DKK2: variants seen among roughly 807,000 people sequenced by gnomAD.
DKK2 encodes dickkopf Wnt signaling pathway inhibitor 2.
A neutral mutation model predicts 28.1 loss-of-function variants in DKK2; 11 were observed. The observed-to-expected ratio is 0.39, with a 90% CI of 0.25 to 0.65. The LOEUF is 0.65. Among genes scored for constraint, DKK2 ranks in the 30% least tolerant of loss-of-function variants. The pLI is 0.47. For synonymous variants in DKK2, 135 were observed against 126.5 expected (o/e 1.07, Z -0.45); for missense variants, 326 against 335.5 (o/e 0.97, Z 0.22).
chr4:107,005,059 A>C (rs1723416338), intron 1 of DKK2, among the ~76,000 whole-genome samples: 1 of 152,132 alleles, frequency 6.6e-6, no homozygotes, highest in Admixed American at 6.5e-5. Flanking sequence ...CTTCTGACAT[A>C]TATAAGAGTG....
In DKK2 at chr4:106,922,068, A is replaced by G. The variant is rs1724351427; in HGVS notation, c.*1886T>C. ...AGGAAATGTTTGATTGAAATGTTCCATTTTCATTTCACCAAGCTTATAGCA... is the reference window on the plus strand; with the variant it reads ...AGGAAATGTTTGATTGAAATGTTCCGTTTTCATTTCACCAAGCTTATAGCA... On this transcript the variant is annotated 3_prime_UTR_variant, in exon 4 of 4. Transcript: ENST00000285311. 2 of 152,578 alleles carry G rather than the reference A, an allele frequency of 1.3e-5. No homozygotes were observed. Among genetic ancestry groups the G allele is most frequent in the Admixed American group, 1.3e-4 (2 of 15,268 alleles). 9.5% of individuals were successfully genotyped at this position (152,578 alleles called of 1,614,324 possible).
At chr4:106,936,506 G>T (rs28832303) in intron 1 of DKK2, among the ~76,000 whole-genome samples, 3,986 of 152,198 alleles carry the variant, frequency 0.026, 62 homozygotes, top group Non-Finnish European at 0.036. Context: ...TACCTGAAAG[G>T]GATGGGGAGA....
chr4:106,976,492 A>G (rs1722947851), intron 1 of DKK2, among the ~76,000 whole-genome samples: 3 of 152,150 alleles, frequency 2.0e-5, no homozygotes. Context: ...ACCATTATGT[A>G]ATGGCCTTCT....
At chr4:106,976,072 A>C (rs926348005) in intron 1 of DKK2, among the ~76,000 whole-genome samples, 1 of 152,154 alleles carries the variant, frequency 6.6e-6, no homozygotes. Flanking sequence ...CTTAATCCTG[A>C]GTTCTAATTT....
chr4:106,948,410 C>G (rs1375364513), intron 1 of DKK2, among the ~76,000 whole-genome samples: 1 of 152,122 alleles, frequency 6.6e-6, no homozygotes, highest in Non-Finnish European at 1.5e-5. Flanking sequence ...TCCCATTCCC[C>G]TATTCTTTAA....
Position 106,924,611 on chromosome 4 carries a change from A to G in DKK2, c.463T>C (p.Tyr155His), listed in dbSNP as rs763852133. ...TGCCATCCCAAGTCATGGTTTGAGTAATGACCGTGGTTTCGATCTCTGTGC... is the reference window on the plus strand; with the variant it reads ...TGCCATCCCAAGTCATGGTTTGAGTGATGACCGTGGTTTCGATCTCTGTGC... ...TRHRDRNHGHYSNHDLGWQNL... is the reference protein window; with the variant it reads ...TRHRDRNHGHHSNHDLGWQNL... The change falls in exon 3 of 4, where the codon TAC becomes CAC. Residue 155 changes from tyrosine to histidine, a missense_variant. Transcript: ENST00000285311. The G allele has an allele frequency of 5.2e-5, 84 of 1,613,816 alleles. No homozygotes were observed. In the East Asian group the frequency reaches 1.8e-3, roughly 35 times the overall value.
At chr4:107,017,053 C>A (rs911480618) in intron 1 of DKK2, among the ~76,000 whole-genome samples, 2 of 151,908 alleles carry the variant, frequency 1.3e-5, no homozygotes, top group Non-Finnish European at 1.5e-5. Flanking sequence ...ATACTCATAC[C>A]AGTCCCCATG....
At chr4:106,934,567 A>G (rs924841822) in intron 1 of DKK2, among the ~76,000 whole-genome samples, 1 of 152,202 alleles carries the variant, frequency 6.6e-6, no homozygotes, top group Non-Finnish European at 1.5e-5. Context: ...ATTGTTTTTA[A>G]CAATTATTTA....
At chr4:107,003,470 G>A (rs1723392230) in intron 1 of DKK2, among the ~76,000 whole-genome samples, 1 of 152,218 alleles carries the variant, frequency 6.6e-6, no homozygotes, top group South Asian at 2.1e-4. Flanking sequence ...GAAGATTGAA[G>A]AGGTCTGGAG....
chr4:106,992,668 A>AT (rs1326492717), intron 1 of DKK2, among the ~76,000 whole-genome samples: 1 of 152,250 alleles, frequency 6.6e-6, no homozygotes, highest in Non-Finnish European at 1.5e-5. Flanking sequence ...AGTAGGTAGC[A>AT]TTTCAAGCAT....
Position 106,996,731 on chromosome 4 carries a change from GTAGATTTAT to G in DKK2, c.222+38630_222+38638del, listed in dbSNP as rs577714985. Among the ~76,000 whole-genome samples, 56 of 152,316 alleles carry G rather than the reference GTAGATTTAT, an allele frequency of 3.7e-4. No homozygotes were observed. In the South Asian group the frequency reaches 0.012, roughly 32 times the overall value. ...GGCAGTTGTGACAGGAATACAACCA[GTAGATTTAT>G]TTCCTGCTTCTCTGAAAAACGTCTG... is the stretch of plus-strand genomic sequence containing the variant. On this transcript the variant is annotated intron_variant, in intron 1 of 3. Transcript: ENST00000285311.
chr4:106,939,795 A>T (rs200909282), intron 1 of DKK2, among the ~76,000 whole-genome samples: 1 of 152,350 alleles, frequency 6.6e-6, no homozygotes, highest in South Asian at 2.1e-4. Flanking sequence ...AGCCCTCAGA[A>T]ATAATGCTGC....
At chr4:107,022,835 G>A (rs1723716518) in intron 1 of DKK2, among the ~76,000 whole-genome samples, 1 of 152,092 alleles carries the variant, frequency 6.6e-6, no homozygotes, top group East Asian at 1.9e-4. Context: ...ATTAATTACA[G>A]TATAATTGCT....
chr4:107,027,756 A>ATTTTTTTTTTTT (rs71590176), intron 1 of DKK2, among the ~76,000 whole-genome samples: 9,759 of 133,812 alleles, frequency 0.073, 728 homozygotes, highest in East Asian at 0.23. Context: ...ACCTATTATG[A>ATTTTTTTTTTTT]TTTTTTTTTT....
chr4:106,934,449 G>C (rs985754209), intron 1 of DKK2, among the ~76,000 whole-genome samples: 4 of 152,040 alleles, frequency 2.6e-5, no homozygotes, highest in Non-Finnish European at 4.4e-5. Context: ...TAAAAATTGT[G>C]TTTTGTTTCA....
chr4:106,963,234 T>G (rs927799969), intron 1 of DKK2, among the ~76,000 whole-genome samples: 1 of 148,780 alleles, frequency 6.7e-6, no homozygotes, highest in Non-Finnish European at 1.5e-5. Context: ...GCACCTGTAA[T>G]CCCAGCTACT....
At chr4:106,941,215 C>G (rs918775757) in intron 1 of DKK2, among the ~76,000 whole-genome samples, 2 of 151,954 alleles carry the variant, frequency 1.3e-5, no homozygotes, top group Admixed American at 1.3e-4. Flanking sequence ...TCTCCCTTTG[C>G]CATTTGAAGA....
chr4:107,011,080 T>C (rs1428077263), intron 1 of DKK2, among the ~76,000 whole-genome samples: 1 of 151,438 alleles, frequency 6.6e-6, no homozygotes, highest in Non-Finnish European at 1.5e-5. Flanking sequence ...TTCACACAGA[T>C]ATGTAGTTTG....
Position 107,021,836 on chromosome 4 carries a change from C to T in DKK2, c.222+13534G>A, listed in dbSNP as rs369004162. Among the ~76,000 whole-genome samples the T allele has an allele frequency of 5.9e-5, 9 of 152,082 alleles. 1 individual carries two copies. Among genetic ancestry groups the T allele is most frequent in the Admixed American group, 5.9e-4 (9 of 15,266 alleles). On this transcript the variant is annotated intron_variant, in intron 1 of 3. Coordinates refer to ENST00000285311, the MANE Select transcript of DKK2 (RefSeq NM_014421.3). ...ATTCTTTACAATGTCAGCATAATGC[C>T]CATCACAATCAGATCTTTTCCTGAC...
Sources: gnomAD v4.1 joint callset for allele counts (sites outside exome capture counted in the v4.1 genomes callset) on GRCh38, gnomAD v4.1.1 for gene constraint, MANE v1.5 for transcripts, NCBI Gene and HGNC (gene_info 2026-07-23, HGNC 2026-07-21) for gene names.